The following CTNNA2 variants were observed in gnomAD, a reference collection of about 807,000 sequenced individuals.
The protein encoded by CTNNA2 is catenin alpha-2.
CTNNA2 carries 42 observed loss-of-function variants against 101.0 expected under a neutral mutation model. That is an observed-to-expected ratio of 0.42 (90% CI 0.32 to 0.54). The LOEUF (loss-of-function observed/expected upper bound fraction) is 0.54. Ranked by LOEUF, CTNNA2 falls within the 20% of genes least tolerant of loss-of-function variation. The pLI is 0.14. For missense variants in CTNNA2, 871 were observed against 1,223.1 expected (o/e 0.71, Z 4.29); for synonymous variants, 450 against 456.4 (o/e 0.99, Z 0.18).
intron 7 of CTNNA2, among the ~76,000 whole-genome samples, chr2:80,292,332 C>T (rs180682715): frequency 6.6e-6 from 1 of 152,160 alleles, no homozygotes; most frequent in Non-Finnish European, 1.5e-5. Flanking sequence ...ATTGCCTTGC[C>T]AAAGTCACTC....
chr2:79,665,260 G>A (rs944860193), intron 2 of CTNNA2, among the ~76,000 whole-genome samples: 2 of 152,230 alleles, frequency 1.3e-5, no homozygotes, highest in East Asian at 3.9e-4. Flanking sequence ...ACAACTGGGC[G>A]TGGTCTCTGC....
intron 1 of CTNNA2, among the ~76,000 whole-genome samples, chr2:79,550,327 C>T (rs1014877858): frequency 6.6e-6 from 1 of 152,108 alleles, no homozygotes; most frequent in Non-Finnish European, 1.5e-5. Flanking sequence ...TGCTGTGTTT[C>T]CTTGAGAAGA....
At chr2:80,107,846 T>C (rs1700986813) in intron 7 of CTNNA2, among the ~76,000 whole-genome samples, 1 of 152,152 alleles carries the variant, frequency 6.6e-6, no homozygotes. Context: ...TGGAGCCTGC[T>C]CCTGCTGGAG....
intron 4 of CTNNA2, among the ~76,000 whole-genome samples, chr2:79,437,344 TC>T: frequency 6.6e-6 from 1 of 152,292 alleles, no homozygotes; most frequent in Non-Finnish European, 1.5e-5. Context: ...GGAAATCTTG[TC>T]AAAATTCAGA....
At chr2:79,667,515 T>C (rs1419784399) in intron 2 of CTNNA2, among the ~76,000 whole-genome samples, 6 of 152,198 alleles carry the variant, frequency 3.9e-5, no homozygotes, top group Admixed American at 2.6e-4. Context: ...TGGGAGTTTA[T>C]TGAATTGTTT....
intron 2 of CTNNA2, among the ~76,000 whole-genome samples, chr2:79,667,748 CA>C (rs1372368800): frequency 6.6e-6 from 1 of 152,176 alleles, no homozygotes; most frequent in African/African-American, 2.4e-5. Flanking sequence ...GAAGCATAAT[CA>C]ATCCTAGCAT....
At chr2:79,312,391 A>G (rs1573065531) in intron 2 of CTNNA2, among the ~76,000 whole-genome samples, 1 of 151,728 alleles carries the variant, frequency 6.6e-6, no homozygotes, top group Non-Finnish European at 1.5e-5. Flanking sequence ...CTTCTTCTTG[A>G]CCCTTCATAG....
intron 7 of CTNNA2, among the ~76,000 whole-genome samples, chr2:80,372,062 C>A (rs893243974): frequency 5.9e-5 from 9 of 152,106 alleles, no homozygotes; most frequent in African/African-American, 1.9e-4. Flanking sequence ...GCATTATTAT[C>A]AACTATGCAA....
intron 1 of CTNNA2, among the ~76,000 whole-genome samples, chr2:79,563,171 ATATATATATATATATATT>A (rs1329401470): frequency 5.5e-5 from 5 of 90,380 alleles, no homozygotes; most frequent in African/African-American, 1.7e-4. Context: ...GTATATATAT[ATATATATATATATATATT>A]TTCCTTCATT....
Position 79,884,281 on chromosome 2 carries a change from A to G in CTNNA2, c.852+9939A>G, listed in dbSNP as rs368537383. Among the ~76,000 whole-genome samples the G allele has an allele frequency of 6.3e-4, 96 of 152,296 alleles. No individual in the cohort carries two copies. In the South Asian group the frequency reaches 7.9e-3, roughly 12 times the overall value. On this transcript the variant is annotated intron_variant, in intron 6 of 18. Coordinates refer to ENST00000402739, the MANE Select transcript of CTNNA2 (RefSeq NM_001282597.3). ...CATCTCCTCAACCTACAGAAAATGT[A>G]TTCCAATTCTAACAACCTAAAAAGA...
At chr2:79,913,355 C>T (rs530332071) in intron 7 of CTNNA2, among the ~76,000 whole-genome samples, 8 of 152,254 alleles carry the variant, frequency 5.3e-5, no homozygotes, top group Admixed American at 2.0e-4. Flanking sequence ...TGCACCCACC[C>T]GTTTGAAGCA....
intron 2 of CTNNA2, among the ~76,000 whole-genome samples, chr2:79,706,196 C>T (rs951203345): frequency 2.0e-5 from 3 of 151,862 alleles, no homozygotes; most frequent in Non-Finnish European, 4.4e-5. Flanking sequence ...AACCCCGTCT[C>T]TACTAAAAAT....
intron 11 of CTNNA2, among the ~76,000 whole-genome samples, chr2:80,553,062 CAA>C (rs34648725): frequency 6.5e-5 from 8 of 123,392 alleles, no homozygotes; most frequent in East Asian, 2.6e-4. Context: ...ACTAAAAAGA[CAA>C]AAAAAAAAAA....
At chr2:79,281,943 A>G (rs561930549) in intron 2 of CTNNA2, among the ~76,000 whole-genome samples, 2 of 152,312 alleles carry the variant, frequency 1.3e-5, no homozygotes, top group Non-Finnish European at 2.9e-5. Flanking sequence ...AATATTTCCA[A>G]TAGTCCAGCT....
At chr2:79,619,227 AC>A (rs2104272877) in intron 1 of CTNNA2, among the ~76,000 whole-genome samples, 1 of 152,348 alleles carries the variant, frequency 6.6e-6, no homozygotes, top group African/African-American at 2.4e-5. Context: ...AGCAGTGGCC[AC>A]CATACATTAT....
At chr2:79,413,249 C>T (rs954901735) in intron 4 of CTNNA2, among the ~76,000 whole-genome samples, 4 of 151,998 alleles carry the variant, frequency 2.6e-5, no homozygotes, top group African/African-American at 9.7e-5. Flanking sequence ...GCAATTCTTA[C>T]TCTCTACTTT....
At chr2:80,489,981 A>G (rs1016804487) in intron 9 of CTNNA2, among the ~76,000 whole-genome samples, 1 of 152,190 alleles carries the variant, frequency 6.6e-6, no homozygotes, top group Non-Finnish European at 1.5e-5. Context: ...GAAAAGGGAT[A>G]TGAATCAGAC....
intron 1 of CTNNA2, among the ~76,000 whole-genome samples, chr2:79,517,012 A>G (rs1216385609): frequency 6.6e-6 from 1 of 152,178 alleles, no homozygotes; most frequent in Non-Finnish European, 1.5e-5. Flanking sequence ...GATTATTAAT[A>G]AATTCTAAAT....
intron 7 of CTNNA2, among the ~76,000 whole-genome samples, chr2:79,994,106 A>T (rs894571623): frequency 6.6e-6 from 1 of 152,036 alleles, no homozygotes; most frequent in Non-Finnish European, 1.5e-5. Flanking sequence ...TTTTAGAGAC[A>T]GGGGTCTTAC....
Sources: gnomAD v4.1 joint callset for allele counts (sites outside exome capture counted in the v4.1 genomes callset) on GRCh38, gnomAD v4.1.1 for gene constraint, MANE v1.5 for transcripts, NCBI Gene and HGNC (gene_info 2026-07-23, HGNC 2026-07-21) for gene names.